Variants in ERBB4 observed in about 807,000 individuals in gnomAD.
ERBB4 encodes the protein receptor tyrosine-protein kinase erbB-4.
ERBB4 carries 42 observed loss-of-function variants against 158.0 expected under a neutral mutation model. The observed-to-expected ratio is 0.27, with a 90% confidence interval of 0.21 to 0.34. The LOEUF (loss-of-function observed/expected upper bound fraction) is 0.34. Ranked by LOEUF, ERBB4 falls within the 10% of genes least tolerant of loss-of-function variation. The pLI, the probability that ERBB4 is intolerant of heterozygous loss-of-function variation, is 1.00. For missense variants in ERBB4, 1,333 were observed against 1,624.1 expected (o/e 0.82, Z 3.08); for synonymous variants, 583 against 558.7 (o/e 1.04, Z -0.61).
At chr2:211,885,011 G>A (rs1575315037) in intron 3 of ERBB4, among the ~76,000 whole-genome samples, 1 of 152,110 alleles carries the variant, frequency 6.6e-6, no homozygotes, top group South Asian at 2.1e-4. Flanking sequence ...ATATCATTGT[G>A]GGTAATGGGT....
chr2:211,850,340 A>T (rs539442769), intron 3 of ERBB4, among the ~76,000 whole-genome samples: 1 of 151,914 alleles, frequency 6.6e-6, no homozygotes, highest in South Asian at 2.1e-4. Flanking sequence ...ATTCATATAC[A>T]TATTCATATA....
At position 211,383,746 on chromosome 2, in the gene ERBB4, A is replaced by G. The variant is rs2125309165; in HGVS notation, c.3796T>C (p.Tyr1266His). The change falls in exon 28 of 28, where the codon TAT (tyrosine) becomes CAT (histidine). Residue 1266 changes from tyrosine to histidine, a missense_variant. Around this residue, in one of 5 missense-constraint regions of ERBB4, gnomAD observed 84 missense variants for 110.8 expected, o/e 0.76. Transcript: ENST00000342788. The stretch of plus-strand genomic sequence containing the variant: ...ATCCGCCCATTCTGTTTATAAAAAT[A>G]TTTTGTGCTGTACTCCTGCAGGTAG... ...PDYLQEYSTK[Y>H]FYKQNGRIRP... 1.2e-6 allele frequency: 2 copies of G among 1,614,042 alleles called. No homozygotes were observed. The highest frequency in any genetic ancestry group is 4.5e-5 in the East Asian group (2 of 44,870).
At chr2:212,071,700 G>C (rs2078124753) in intron 2 of ERBB4, among the ~76,000 whole-genome samples, 1 of 151,958 alleles carries the variant, frequency 6.6e-6, no homozygotes, top group Non-Finnish European at 1.5e-5. Context: ...TTTTTGTCAT[G>C]ACAGCAGTTT....
chr2:211,859,383 C>A (rs535996202), intron 3 of ERBB4, among the ~76,000 whole-genome samples: 22 of 152,218 alleles, frequency 1.4e-4, no homozygotes, highest in Non-Finnish European at 2.8e-4. Context: ...ATTATCTAAC[C>A]TTTGTCAAAT....
chr2:212,163,530 C>A (rs2081263367), intron 1 of ERBB4, among the ~76,000 whole-genome samples: 1 of 151,944 alleles, frequency 6.6e-6, no homozygotes, highest in East Asian at 1.9e-4. Context: ...AATGAGAATT[C>A]TATTGATTAG....
At chr2:211,841,830 C>T (rs2077476452) in intron 3 of ERBB4, among the ~76,000 whole-genome samples, 2 of 152,150 alleles carry the variant, frequency 1.3e-5, no homozygotes, top group Admixed American at 1.3e-4. Flanking sequence ...TTGTTAGCAC[C>T]TGCTAGGTAT....
At chr2:211,578,382 T>C (rs938323595) in intron 19 of ERBB4, among the ~76,000 whole-genome samples, 3 of 152,092 alleles carry the variant, frequency 2.0e-5, no homozygotes, top group African/African-American at 4.8e-5. Flanking sequence ...TACTACCCAA[T>C]GTAATTTATA....
intron 20 of ERBB4, among the ~76,000 whole-genome samples, chr2:211,542,962 A>G (rs1186544321): frequency 6.6e-6 from 1 of 151,988 alleles, no homozygotes. Flanking sequence ...AACAACTCTT[A>G]TTTAGAGTGG....
intron 1 of ERBB4, among the ~76,000 whole-genome samples, chr2:212,335,105 A>G (rs2088365723): frequency 6.6e-6 from 1 of 151,992 alleles, no homozygotes; most frequent in African/African-American, 2.4e-5. Context: ...AAATCCAAAT[A>G]TTCTCTATAG....
intron 20 of ERBB4, among the ~76,000 whole-genome samples, chr2:211,518,107 C>T (rs960740624): frequency 6.6e-6 from 1 of 151,778 alleles, no homozygotes; most frequent in African/African-American, 2.4e-5. Flanking sequence ...TTTCTTATTC[C>T]ATAGTATTAA....
chr2:211,638,281 C>A (rs2125888481), intron 16 of ERBB4, among the ~76,000 whole-genome samples: 1 of 152,048 alleles, frequency 6.6e-6, no homozygotes, highest in East Asian at 1.9e-4. Context: ...CAAAACAGTT[C>A]AGATTTGAAA....
At chr2:212,488,556 T>C (rs760514553) in intron 1 of ERBB4, among the ~76,000 whole-genome samples, 3 of 152,016 alleles carry the variant, frequency 2.0e-5, no homozygotes, top group African/African-American at 4.8e-5. Context: ...CCCTAGCAAA[T>C]TGCAGTCAAG....
intron 20 of ERBB4, among the ~76,000 whole-genome samples, chr2:211,502,109 C>T (rs61516157): frequency 5.3e-5 from 8 of 151,986 alleles, no homozygotes; most frequent in Non-Finnish European, 1.0e-4. Context: ...TTACAGCAAG[C>T]AGATTGAATA....
At chr2:211,489,372 T>C (rs746564822) in intron 20 of ERBB4, among the ~76,000 whole-genome samples, 3 of 152,036 alleles carry the variant, frequency 2.0e-5, no homozygotes, top group Admixed American at 1.3e-4. Flanking sequence ...AATAGGCATA[T>C]GACTTTAGGC....
chr2:212,056,748 A>G (rs551852431), intron 2 of ERBB4, among the ~76,000 whole-genome samples: 248 of 152,320 alleles, frequency 1.6e-3, no homozygotes, highest in Admixed American at 2.6e-3. Flanking sequence ...TGTCACCACT[A>G]GGCCTGCCCT....
chr2:212,297,680 TA>T (rs1229382909), intron 1 of ERBB4, among the ~76,000 whole-genome samples: 1 of 151,822 alleles, frequency 6.6e-6, no homozygotes, highest in African/African-American at 2.4e-5. Flanking sequence ...TAAACATGTC[TA>T]ATATTTTAAT....
intron 1 of ERBB4, among the ~76,000 whole-genome samples, chr2:212,404,368 C>A (rs1009862478): frequency 6.6e-6 from 1 of 152,014 alleles, no homozygotes. Flanking sequence ...AATCACTCTT[C>A]CCGTTGTTCC....
chr2:211,872,715 T>C (rs1014691189), intron 3 of ERBB4, among the ~76,000 whole-genome samples: 3 of 152,126 alleles, frequency 2.0e-5, no homozygotes, highest in Admixed American at 1.3e-4. Context: ...TTTCCAGTTT[T>C]CCTATTACAA....
chr2:212,442,639 G>C (rs2092278015), intron 1 of ERBB4, among the ~76,000 whole-genome samples: 3 of 148,498 alleles, frequency 2.0e-5, no homozygotes. Context: ...GGGGTCCCCA[G>C]ACTCATCCTG....
Sources: gnomAD v4.1 joint callset for allele counts (sites outside exome capture counted in the v4.1 genomes callset) on GRCh38, gnomAD v4.1.1 for gene constraint, gnomAD v4.1.1 regional missense constraint, MANE v1.5 for transcripts, NCBI Gene and HGNC (gene_info 2026-07-23, HGNC 2026-07-21) for gene names.